Variants in NDUFAF2 observed in about 807,000 individuals in gnomAD.
The protein encoded by NDUFAF2 is NADH:ubiquinone oxidoreductase complex assembly factor 2.
A neutral mutation model predicts 22.8 loss-of-function variants in NDUFAF2; 13 were observed. The observed-to-expected ratio is 0.57, with a 90% CI of 0.37 to 0.91. The LOEUF is 0.91. NDUFAF2 is among the 40% of genes least tolerant of loss of function. The probability of loss-of-function intolerance (pLI) is 0.01; values close to 1 mark genes in which losing one functional copy is unlikely to be tolerated. For missense variants in NDUFAF2, 162 were observed against 195.2 expected, an observed-to-expected ratio of 0.83 and a Z score of 1.01; for synonymous variants, 53 against 64.2, an observed-to-expected ratio of 0.83 and a Z score of 0.84.
intron 3 of NDUFAF2, among the ~76,000 whole-genome samples, chr5:61,148,567 C>A (rs1741175107): frequency 6.6e-6 from 1 of 152,172 alleles, no homozygotes; most frequent in African/African-American, 2.4e-5. Flanking sequence ...CTTTCCCAAC[C>A]TTTACAACAG....
chr5:61,151,968 T>A (rs1741247245), intron 3 of NDUFAF2, among the ~76,000 whole-genome samples: 1 of 152,220 alleles, frequency 6.6e-6, no homozygotes, highest in African/African-American at 2.4e-5. Context: ...GCTATAGTGA[T>A]GCTTCTTAAA....
At chr5:61,145,357 C>T (rs1741123564) in intron 3 of NDUFAF2, among the ~76,000 whole-genome samples, 1 of 152,156 alleles carries the variant, frequency 6.6e-6, no homozygotes, top group Non-Finnish European at 1.5e-5. Context: ...GCATTTAGAT[C>T]TTTTCGCTTT....
intron 1 of NDUFAF2, among the ~76,000 whole-genome samples, chr5:60,990,524 A>G (rs1344570690): frequency 2.6e-5 from 4 of 152,112 alleles, no homozygotes; most frequent in Admixed American, 1.3e-4. Context: ...AAATTATTTT[A>G]TGTATTTATT....
At chr5:61,046,899 C>G (rs1751960679) in intron 1 of NDUFAF2, among the ~76,000 whole-genome samples, 1 of 152,176 alleles carries the variant, frequency 6.6e-6, no homozygotes, top group East Asian at 1.9e-4. Flanking sequence ...TGCCCAAAAT[C>G]ATATTTGTTC....
chr5:61,010,875 A>T (rs1751434518), intron 1 of NDUFAF2, among the ~76,000 whole-genome samples: 1 of 152,138 alleles, frequency 6.6e-6, no homozygotes, highest in Non-Finnish European at 1.5e-5. Context: ...CTAAAGGGAA[A>T]GGGCATTTTC....
intron 1 of NDUFAF2, among the ~76,000 whole-genome samples, chr5:61,020,547 A>ATG (rs68178917): frequency 0.31 from 45,621 of 147,854 alleles, 7,412 homozygotes; most frequent in East Asian, 0.4. Context: ...GGGTTTTGTT[A>ATG]TGTGTGTGTG....
intron 1 of NDUFAF2, among the ~76,000 whole-genome samples, chr5:60,950,081 TTGCC>T (rs1750523633): frequency 1.3e-5 from 2 of 152,186 alleles, no homozygotes; most frequent in African/African-American, 4.8e-5. Flanking sequence ...TTTCCTTCTC[TTGCC>T]TGGCTGCACT....
chr5:61,112,218 C>A (rs915724654), intron 3 of NDUFAF2, among the ~76,000 whole-genome samples: 2 of 139,910 alleles, frequency 1.4e-5, no homozygotes, highest in African/African-American at 2.6e-5. Flanking sequence ...TATCCCCCCC[C>A]CTTTTTTTTT....
intron 3 of NDUFAF2, among the ~76,000 whole-genome samples, chr5:61,124,889 G>T (rs1753016878): frequency 6.6e-6 from 1 of 152,072 alleles, no homozygotes; most frequent in African/African-American, 2.4e-5. Context: ...GTTCCCCATA[G>T]CTGGGGAGGC....
chr5:60,952,925 T>G (rs1057059040), intron 1 of NDUFAF2, among the ~76,000 whole-genome samples: 15 of 151,396 alleles, frequency 9.9e-5, no homozygotes, highest in African/African-American at 1.9e-4. Context: ...TTACCCAAAA[T>G]AAAACACAGA....
chr5:61,011,587 T>A (rs902542778), intron 1 of NDUFAF2, among the ~76,000 whole-genome samples: 3 of 152,114 alleles, frequency 2.0e-5, no homozygotes, highest in African/African-American at 7.2e-5. Context: ...TTCTGTGGCA[T>A]CATTTTCAGT....
intron 1 of NDUFAF2, among the ~76,000 whole-genome samples, chr5:60,996,989 G>T (rs1035415705): frequency 1.3e-5 from 2 of 152,172 alleles, no homozygotes; most frequent in African/African-American, 4.8e-5. Context: ...TGTGTAGAAG[G>T]TTGTTAAATT....
intron 1 of NDUFAF2, among the ~76,000 whole-genome samples, chr5:61,038,153 C>CT (rs1393149550): frequency 6.6e-6 from 1 of 150,862 alleles, no homozygotes; most frequent in Non-Finnish European, 1.5e-5. Flanking sequence ...CAAACTATAA[C>CT]TTTAAGGCCT....
intron 1 of NDUFAF2, among the ~76,000 whole-genome samples, chr5:61,063,043 G>T (rs907841617): frequency 5.9e-5 from 9 of 152,048 alleles, no homozygotes; most frequent in Non-Finnish European, 1.0e-4. Context: ...TTCCATACAA[G>T]ACATACTTAA....
At chr5:61,131,758 AT>A (rs1753114376) in intron 3 of NDUFAF2, among the ~76,000 whole-genome samples, 1 of 152,180 alleles carries the variant, frequency 6.6e-6, no homozygotes, top group Non-Finnish European at 1.5e-5. Context: ...ATCTATAATT[AT>A]AAACATGTAA....
chr5:60,986,937 C>CAAAAAAA (rs200015156), intron 1 of NDUFAF2, among the ~76,000 whole-genome samples: 2 of 73,456 alleles, frequency 2.7e-5, no homozygotes, highest in Non-Finnish European at 6.1e-5. Flanking sequence ...TCTTTTGTCT[C>CAAAAAAA]AAAAAAAAAA....
At chr5:60,994,144 C>A (rs1337257993) in intron 1 of NDUFAF2, among the ~76,000 whole-genome samples, 2 of 152,238 alleles carry the variant, frequency 1.3e-5, no homozygotes, top group Non-Finnish European at 2.9e-5. Context: ...GATCATGGCA[C>A]ACACCCAGCT....
chr5:61,074,685 G>A (rs577141029), intron 2 of NDUFAF2, among the ~76,000 whole-genome samples: 24 of 152,242 alleles, frequency 1.6e-4, no homozygotes, highest in Admixed American at 7.8e-4. Flanking sequence ...GCTTGAACCC[G>A]GGAGGCAGAG....
At chr5:61,067,787 G>C (rs912990223) in intron 1 of NDUFAF2, among the ~76,000 whole-genome samples, 10 of 152,212 alleles carry the variant, frequency 6.6e-5, no homozygotes, top group Middle Eastern at 3.4e-3. Flanking sequence ...CAGTGTAAAA[G>C]TGTTCCTATT....
Sources: allele counts gnomAD v4.1 joint callset (sites outside exome capture counted in the v4.1 genomes callset), GRCh38; gene constraint gnomAD v4.1.1; transcripts MANE v1.5; gene names NCBI Gene and HGNC (gene_info 2026-07-23, HGNC 2026-07-21).